Variants in IFFO2 observed in about 807,000 individuals in gnomAD.
The protein encoded by IFFO2 is intermediate filament family orphan 2.
IFFO2 carries 19 observed loss-of-function variants against 53.5 expected under a neutral mutation model. The ratio of observed to expected loss-of-function variants is 0.36; its 90% CI spans 0.25 to 0.52. IFFO2 has a LOEUF of 0.52. Ranked by LOEUF, IFFO2 falls within the 20% of genes least tolerant of loss-of-function variation. The pLI is 0.94. For synonymous variants in IFFO2, 303 were observed against 313.6 expected, an observed-to-expected ratio of 0.97 and a Z score of 0.36; for missense variants, 570 against 727.4, an observed-to-expected ratio of 0.78 and a Z score of 2.49.
chr1:18,956,306 CT>C lies in IFFO2; in HGVS notation c.26del (p.Glu9GlyfsTer34). The C allele has an allele frequency of 2.1e-6, 1 of 487,324 alleles. No homozygotes were observed. The highest frequency in any genetic ancestry group is 2.9e-6 in the Non-Finnish European group (1 of 345,786). 30.2% of individuals were successfully genotyped at this position (487,324 alleles called of 1,614,324 possible). ...GCGGGCAGCCGAAGGCCAAGGCCAT[CT>C]CCCCGAACAGCAGCGAGTTCACCAT... MVNSLLFG[E>X]MALAFGCPPG... On this transcript the variant is annotated frameshift_variant, in exon 1 of 9. Transcript: ENST00000455833. LOFTEE classifies it high-confidence loss of function. This position sits in a 1 kb window ranked among gnomAD's most constrained non-coding sequence, Gnocchi z 6.4.
chr1:18,956,209 C>A lies in IFFO2; in HGVS notation c.124G>T (p.Val42Leu), dbSNP rs771640662. 13 of 1,415,296 alleles carry A rather than the reference C, an allele frequency of 9.2e-6. No homozygotes were observed. Among genetic ancestry groups the A allele is most frequent in the African/African-American group, 1.5e-5 (1 of 65,826 alleles). The allele number at this position is 1,415,296 out of a possible 1,614,324, so 87.7% of individuals were successfully genotyped here. The change falls in exon 1 of 9, where the codon GTG becomes TTG. Residue 42 changes from valine to leucine, a missense_variant. By Grantham distance (32) the Val-to-Leu change is conservative. Transcript: ENST00000455833. The surrounding 1 kb of genome is among the most constrained non-coding windows in gnomAD (Gnocchi z 6.4). ...GGGAGPGPSP[V>L]TAALRDDLGS... Reference sequence around the variant, plus strand: ...AGGTCGTCCCGCAGCGCCGCCGTCACCGGCGACGGACCCGGCCCTGCCCCG... The same window carrying A: ...AGGTCGTCCCGCAGCGCCGCCGTCAACGGCGACGGACCCGGCCCTGCCCCG...
Position 18,948,938 on chromosome 1 carries a change from A to G in IFFO2, c.665+6730T>C, listed in dbSNP as rs189437451. ...ACAACCTCCGGACACAGAGCTTAGC[A>G]TCCCTGTTTTACAGATGAAGAAACT... is the stretch of plus-strand genomic sequence containing the variant. On this transcript the variant is annotated intron_variant, in intron 1 of 8. Transcript: ENST00000455833. Among the ~76,000 whole-genome samples, 340 of 152,324 alleles carry G rather than the reference A, an allele frequency of 2.2e-3. 1 individual carries two copies. The highest frequency in any genetic ancestry group is 3.6e-3 in the Non-Finnish European group (246 of 68,026).
Position 18,919,143 on chromosome 1 carries a change from C to A in IFFO2, c.822+535G>T, listed in dbSNP as rs1437350537. Among the ~76,000 whole-genome samples the A allele has an allele frequency of 6.6e-6, 1 of 152,208 alleles. No individual in the cohort carries two copies. The highest frequency in any genetic ancestry group is 1.5e-5 in the Non-Finnish European group (1 of 68,028). ...TTGAAGGGGAGGAGACCTGGGTCCC[C>A]AGCAGCAAGGAGCCCTTTGCTGCCA... On this transcript the variant is annotated intron_variant, in intron 3 of 8. Coordinates refer to ENST00000455833, the MANE Select transcript of IFFO2 (RefSeq NM_001136265.2). The surrounding 1 kb of genome is among the most constrained non-coding windows in gnomAD (Gnocchi z 4.9).
rs1277624794 is a variant in IFFO2 at position 18,918,850 on chromosome 1, G to A, written c.823-348C>T. Among the ~76,000 whole-genome samples, 1 of 152,026 alleles carries A rather than the reference G, an allele frequency of 6.6e-6. No individual in the cohort carries two copies. Among genetic ancestry groups the A allele is most frequent in the Non-Finnish European group, 1.5e-5 (1 of 67,978 alleles). The stretch of plus-strand genomic sequence containing the variant: ...GAAAGACAGCCCTTCTTTTCCCACC[G>A]GCACACCCCACCTGTCCCCCACACA... On this transcript the variant is annotated intron_variant, in intron 3 of 8. Transcript: ENST00000455833. The surrounding 1 kb of genome is among the most constrained non-coding windows in gnomAD (Gnocchi z 5.2).
At chr1:18,926,766 G>A (rs974019995) in intron 1 of IFFO2, among the ~76,000 whole-genome samples, 4 of 151,944 alleles carry the variant, frequency 2.6e-5, no homozygotes, top group Non-Finnish European at 5.9e-5. Context: ...AGACCCGCAG[G>A]AAAGGGACCG....
At chr1:18,915,908 G>T in intron 5 of IFFO2, among the ~76,000 whole-genome samples, 1 of 151,766 alleles carries the variant, frequency 6.6e-6, no homozygotes, top group Non-Finnish European at 1.5e-5. Context: ...GCAGATCACT[G>T]GAGGTCAGGA....
chr1:18,940,829 G>A (rs1936510693), intron 1 of IFFO2, among the ~76,000 whole-genome samples: 2 of 152,204 alleles, frequency 1.3e-5, no homozygotes, highest in Admixed American at 6.5e-5. Context: ...ATACAAATAC[G>A]CAACACGTGC....
Position 18,905,869 on chromosome 1 carries a change from A to G in IFFO2, c.*2692T>C, listed in dbSNP as rs1036683163. On this transcript the variant is annotated 3_prime_UTR_variant, in exon 9 of 9. Coordinates refer to ENST00000455833, the MANE Select transcript of IFFO2 (RefSeq NM_001136265.2). ...ATTCTAAAATACCAGTGTCAATATG[A>G]CACTGGGCTTAGAAATAGAAAGTCA... is the stretch of plus-strand genomic sequence containing the variant. The G allele has an allele frequency of 6.6e-6, 1 of 152,218 alleles. No homozygotes were observed. Among genetic ancestry groups the G allele is most frequent in the Non-Finnish European group, 1.5e-5 (1 of 68,044 alleles). The allele number at this position is 152,218 out of a possible 1,614,324, so 9.4% of individuals were successfully genotyped here.
At chr1:18,929,728 C>A (rs922282269) in intron 1 of IFFO2, among the ~76,000 whole-genome samples, 2 of 152,186 alleles carry the variant, frequency 1.3e-5, no homozygotes, top group Non-Finnish European at 2.9e-5. Context: ...CAGCCACACA[C>A]CCCTTCAGGC....
chr1:18,926,159 C>T (rs986441254), intron 1 of IFFO2, among the ~76,000 whole-genome samples: 1 of 149,410 alleles, frequency 6.7e-6, no homozygotes, highest in Non-Finnish European at 1.5e-5. Context: ...GGATCCAAAG[C>T]TGCACTTACT....
chr1:18,950,242 G>A (rs868796471), intron 1 of IFFO2, among the ~76,000 whole-genome samples: 4 of 152,174 alleles, frequency 2.6e-5, no homozygotes, highest in African/African-American at 7.2e-5. Context: ...CATCTCTGGC[G>A]CCTCCATGGG....
At chr1:18,932,095 G>A (rs566761563) in intron 1 of IFFO2, among the ~76,000 whole-genome samples, 2 of 152,326 alleles carry the variant, frequency 1.3e-5, no homozygotes, top group East Asian at 3.9e-4. Context: ...GACGGAACAA[G>A]GCTCAAATCC....
At chr1:18,949,980 G>T (rs989914972) in intron 1 of IFFO2, among the ~76,000 whole-genome samples, 1 of 152,220 alleles carries the variant, frequency 6.6e-6, no homozygotes, top group African/African-American at 2.4e-5. Context: ...CTAGCTTGAG[G>T]CTCTGAGAAT....
chr1:18,955,901 G>C lies in IFFO2; in HGVS notation c.432C>G (p.Pro144=). ...GCTGCGGGTGCGAGCCGCCGCCGGG[G>C]GGCAGGCCGCCCAGGGCCACGGCAT... The part of the protein sequence containing the change: ...NANAVALGGL[P]PGGGSHPQHY... The change falls in exon 1 of 9, where the codon CCC becomes CCG. Residue 144 remains proline, a synonymous_variant. Transcript: ENST00000455833. 1 of 1,343,014 alleles carries C rather than the reference G, an allele frequency of 7.4e-7. No homozygotes were observed. Among genetic ancestry groups the C allele is most frequent in the Non-Finnish European group, 9.5e-7 (1 of 1,056,570 alleles). 83.2% of individuals were successfully genotyped at this position (1,343,014 alleles called of 1,614,324 possible).
intron 1 of IFFO2, among the ~76,000 whole-genome samples, chr1:18,932,603 C>T (rs886768723): frequency 2.0e-5 from 3 of 152,336 alleles, no homozygotes; most frequent in African/African-American, 4.8e-5. Context: ...AGTCAACACA[C>T]GTTTCACACT....
intron 8 of IFFO2, 114 bp from the exon 9 acceptor site, chr1:18,908,780 G>A: frequency 2.7e-6 from 2 of 740,244 alleles, no homozygotes; most frequent in Non-Finnish European, 4.7e-6. Flanking sequence ...AGAGGGGCCT[G>A]GTCCTGAGCT....
At position 18,916,991 on chromosome 1, in the gene IFFO2, C is replaced by T; in HGVS notation, c.1015G>A (p.Glu339Lys). 6.4e-7 allele frequency: 1 copy of T among 1,552,266 alleles called. No individual in the cohort carries two copies. Among genetic ancestry groups the T allele is most frequent in the South Asian group, 1.2e-5 (1 of 84,060 alleles). ...RKVASDDDIS[E>K]QDGEVNRFSD... ...AACCGGTTCACCTCCCCGTCCTGCT[C>T]AGAGATGTCATCATCGGAAGCCACC... The change falls in exon 5 of 9, where the codon GAG becomes AAG. Residue 339 changes from glutamate (E) to lysine (K), a missense_variant. Glu to Lys is a moderately conservative substitution (Grantham distance 56, BLOSUM62 1). Transcript: ENST00000455833. This position sits in a 1 kb window ranked among gnomAD's most constrained non-coding sequence, Gnocchi z 4.3.
At chr1:18,950,942 A>T (rs1222883755) in intron 1 of IFFO2, among the ~76,000 whole-genome samples, 1 of 152,236 alleles carries the variant, frequency 6.6e-6, no homozygotes, top group Non-Finnish European at 1.5e-5. Flanking sequence ...ACATACAAAA[A>T]GGTGGAAAGA....
Position 18,955,778 on chromosome 1 carries a change from C to G in IFFO2, c.555G>C (p.Trp185Cys). 1.3e-6 allele frequency: 2 copies of G among 1,551,656 alleles called. No individual in the cohort carries two copies. ...VETVQGPGVS[W>C]VHPDGVGVQI... ...GCACGCCCACGCCGTCGGGGTGCAC[C>G]CACGACACGCCGGGGCCCTGCACGG... Residue 185 changes from tryptophan to cysteine, a missense_variant, in exon 1 of 9, where the codon TGG (tryptophan) becomes TGC (cysteine). Coordinates refer to ENST00000455833, the MANE Select transcript of IFFO2 (RefSeq NM_001136265.2).
Sources: allele counts gnomAD v4.1 joint callset (sites outside exome capture counted in the v4.1 genomes callset), GRCh38; gene constraint gnomAD v4.1.1; non-coding constraint Gnocchi (gnomAD v3.1); transcripts MANE v1.5; gene names NCBI Gene and HGNC (gene_info 2026-07-23, HGNC 2026-07-21).